BCR: variants seen among roughly 807,000 people sequenced by gnomAD.
BCR encodes breakpoint cluster region protein.
A neutral mutation model predicts 138.6 loss-of-function variants in BCR; 58 were observed. The observed-to-expected ratio is 0.42, with a 90% CI of 0.34 to 0.52. The LOEUF (loss-of-function observed/expected upper bound fraction) is 0.52. Ranked by LOEUF, BCR falls within the 20% of genes least tolerant of loss-of-function variation. The pLI is 0.06. For missense variants in BCR, 1,599 were observed against 1,727.2 expected, an observed-to-expected ratio of 0.93 and a Z score of 1.32; for synonymous variants, 786 against 730.1, an observed-to-expected ratio of 1.08 and a Z score of -1.23.
intron 22 of BCR, 39 bp from the exon 23 acceptor site, chr22:23,315,394 C>A: frequency 1.3e-6 from 2 of 1,596,054 alleles, no homozygotes; most frequent in Non-Finnish European, 1.7e-6. Flanking sequence ...GTGAGCCCCG[C>A]TCTGAGCCAC....
rs2072274988 is a variant in BCR, at chr22:23,182,057, A to G, written c.1097A>G (p.Lys366Arg). 3.1e-6 allele frequency: 5 copies of G among 1,613,672 alleles called. No homozygotes were observed. The highest frequency in any genetic ancestry group is 4.2e-6 in the Non-Finnish European group (5 of 1,180,000). The change falls in exon 1 of 23, where the codon AAA becomes AGA. Residue 366 changes from lysine (K) to arginine (R), a missense_variant. Lys to Arg is a conservative substitution (Grantham distance 26, BLOSUM62 2). This residue lies in a region of BCR where 806 missense variants were observed against 635.0 expected (regional missense o/e 1.27). Coordinates refer to ENST00000305877, the MANE Select transcript of BCR (RefSeq NM_004327.4). Reference protein sequence around the residue: ...SPTTYRMFRDKSRSPSQNSQQ... With the variant: ...SPTTYRMFRDRSRSPSQNSQQ... ...ACCACCTACCGCATGTTCCGGGACA[A>G]AAGCCGCTCTCCCTCGCAGAACTCG...
chr22:23,248,190 G>A (rs1015476554), intron 1 of BCR, among the ~76,000 whole-genome samples: 2 of 151,896 alleles, frequency 1.3e-5, no homozygotes, highest in Non-Finnish European at 2.9e-5. Context: ...CTTAAAATAC[G>A]AAAATTAGCT....
intron 1 of BCR, among the ~76,000 whole-genome samples, chr22:23,228,970 C>G (rs574430627): frequency 6.6e-6 from 1 of 152,276 alleles, no homozygotes; most frequent in East Asian, 1.9e-4. Context: ...TCCTCTCTTT[C>G]TGGGACACCT....
At chr22:23,270,000 G>A (rs149558171) in intron 5 of BCR, among the ~76,000 whole-genome samples, 116 of 152,126 alleles carry the variant, frequency 7.6e-4, no homozygotes, top group African/African-American at 2.6e-3. Context: ...GCTGCAAACC[G>A]ACCCACCGTG....
chr22:23,297,207 G>T lies in BCR; in HGVS notation c.3012+2052G>T, dbSNP rs111442066. Among the ~76,000 whole-genome samples, 719 of 97,130 alleles carry T rather than the reference G, an allele frequency of 7.4e-3. 11 individuals are homozygous for T. The highest frequency in any genetic ancestry group is 0.018 in the African/African-American group (358 of 20,410). 63.7% of individuals were successfully genotyped at this position (97,130 alleles called of 152,430 possible). On this transcript the variant is annotated intron_variant, in intron 16 of 22. Transcript: ENST00000305877. ...GTGCCCCACCATGCCTGGCTAAGTT[G>T]TTTTTTGTTTTTTGTTTTTTTTTTT...
chr22:23,234,075 A>G (rs1656781635), intron 1 of BCR, among the ~76,000 whole-genome samples: 2 of 152,128 alleles, frequency 1.3e-5, no homozygotes, highest in Admixed American at 6.5e-5. Context: ...TGGCGTGTGC[A>G]TGAGCATTTT....
rs1428771226 is a variant in BCR, at chr22:23,273,754, A to C, written c.2095A>C (p.Met699Leu). Residue 699 changes from methionine (M) to leucine (L), a missense_variant, in exon 8 of 23, where the codon ATG becomes CTG. By Grantham distance (15) the Met-to-Leu change is conservative. Transcript: ENST00000305877. ...GGAGATCACACCCCGACGGCAGTCCATGACGGTGAAGAAGGGAGAGGTGAG... is the reference window on the plus strand; with the variant it reads ...GGAGATCACACCCCGACGGCAGTCCCTGACGGTGAAGAAGGGAGAGGTGAG... Reference protein sequence around the residue: ...NEEITPRRQSMTVKKGEHRQL... With the variant: ...NEEITPRRQSLTVKKGEHRQL... The C allele has an allele frequency of 8.1e-6, 13 of 1,613,988 alleles. No homozygotes were observed. Among genetic ancestry groups the C allele is most frequent in the Non-Finnish European group, 1.1e-5 (13 of 1,180,030 alleles).
chr22:23,223,565 C>A (rs5996501), intron 1 of BCR, among the ~76,000 whole-genome samples: 9,594 of 152,222 alleles, frequency 0.063, 1,048 homozygotes, highest in African/African-American at 0.22. Flanking sequence ...GTATCAGCCC[C>A]CCTATTCTGG....
At chr22:23,194,276 G>A (rs540412817) in intron 1 of BCR, among the ~76,000 whole-genome samples, 175 of 152,288 alleles carry the variant, frequency 1.1e-3, no homozygotes, top group Middle Eastern at 3.4e-3. Context: ...GACATGGATT[G>A]TTACCTGAAA....
At chr22:23,264,191 C>G (rs1184480683) in intron 4 of BCR, 2 of 1,276,052 alleles carry the variant, frequency 1.6e-6, no homozygotes, top group South Asian at 1.2e-5. Context: ...GTTCCTCCTT[C>G]TATAGCGTTG....
intron 1 of BCR, among the ~76,000 whole-genome samples, chr22:23,217,516 G>GT (rs1421415526): frequency 1.6e-4 from 24 of 152,184 alleles, no homozygotes; most frequent in African/African-American, 5.6e-4. Flanking sequence ...CCTCTGTAAG[G>GT]TAGGCGTGGG....
intron 1 of BCR, among the ~76,000 whole-genome samples, chr22:23,193,604 A>G (rs1315555269): frequency 6.6e-6 from 1 of 152,216 alleles, no homozygotes; most frequent in Non-Finnish European, 1.5e-5. Context: ...TTCTCCTCCT[A>G]TAATCCTCCT....
chr22:23,281,066 G>A (rs1393314734), intron 8 of BCR, among the ~76,000 whole-genome samples: 1 of 152,220 alleles, frequency 6.6e-6, no homozygotes, highest in African/African-American at 2.4e-5. Flanking sequence ...GCACGCTCAG[G>A]CACTCACACT....
At chr22:23,276,259 C>T (rs921112458) in intron 8 of BCR, among the ~76,000 whole-genome samples, 13 of 152,004 alleles carry the variant, frequency 8.6e-5, no homozygotes, top group African/African-American at 2.9e-4. Flanking sequence ...ATTAGCTGGG[C>T]GTGGTGGTGG....
At chr22:23,300,839 A>G (rs1483218455) in intron 16 of BCR, among the ~76,000 whole-genome samples, 1 of 152,230 alleles carries the variant, frequency 6.6e-6, no homozygotes, top group African/African-American at 2.4e-5. Flanking sequence ...CCCGAGGCTC[A>G]CATAAAACAT....
At chr22:23,282,188 G>T (rs959623781) in intron 8 of BCR, among the ~76,000 whole-genome samples, 2 of 152,254 alleles carry the variant, frequency 1.3e-5, no homozygotes, top group Non-Finnish European at 2.9e-5. Flanking sequence ...ACCCTACCCA[G>T]ATCTGGTCCC....
At chr22:23,291,602 G>A (rs1349663520) in intron 14 of BCR, among the ~76,000 whole-genome samples, 2 of 152,036 alleles carry the variant, frequency 1.3e-5, no homozygotes, top group Non-Finnish European at 2.9e-5. Context: ...GTGGTCCCGG[G>A]CTTGTCTCTC....
rs974998720 is a variant in BCR, at chr22:23,181,574, G to C, written c.614G>C (p.Ser205Thr). 2.5e-6 allele frequency: 4 copies of C among 1,612,796 alleles called. No homozygotes were observed. The African/African-American group carries it at 4.0e-5, about 16-fold the overall frequency. ...EVSDRISSLG[S>T]QAMQMERKKS... ...TCGGACCGCATCAGCTCCCTGGGCAGCCAGGCCATGCAGATGGAGCGCAAA... is the reference window on the plus strand; with the variant it reads ...TCGGACCGCATCAGCTCCCTGGGCACCCAGGCCATGCAGATGGAGCGCAAA... Residue 205 changes from serine to threonine, a missense_variant, in exon 1 of 23, where the codon AGC (serine) becomes ACC (threonine). This residue lies in a region of BCR where 806 missense variants were observed against 635.0 expected (regional missense o/e 1.27). Transcript: ENST00000305877.
chr22:23,234,448 G>A (rs940545052), intron 1 of BCR, among the ~76,000 whole-genome samples: 2 of 152,224 alleles, frequency 1.3e-5, no homozygotes, highest in African/African-American at 2.4e-5. Context: ...GTCCTAAGGA[G>A]CTTATGAGAA....
Sources: allele counts gnomAD v4.1 joint callset (sites outside exome capture counted in the v4.1 genomes callset), GRCh38; gene constraint gnomAD v4.1.1; regional missense constraint gnomAD v4.1.1; transcripts MANE v1.5; gene names NCBI Gene and HGNC (gene_info 2026-07-23, HGNC 2026-07-21).